NRG2: variants seen among roughly 807,000 people sequenced by gnomAD.
NRG2 encodes neuregulin 2.
NRG2 carries 27 observed loss-of-function variants against 73.9 expected under a neutral mutation model. The observed-to-expected ratio is 0.37, with a 90% confidence interval of 0.27 to 0.50. The LOEUF (loss-of-function observed/expected upper bound fraction) is 0.50, where lower values mean the gene tolerates loss of function less well. Ranked by LOEUF, NRG2 falls within the 20% of genes least tolerant of loss-of-function variation. The pLI is 0.96. For missense variants in NRG2, 1,126 were observed against 1,210.1 expected (o/e 0.93, Z 1.03); for synonymous variants, 532 against 541.0 (o/e 0.98, Z 0.23).
chr5:139,847,651 T>G lies in NRG2; in HGVS notation c.*266A>C. The stretch of plus-strand genomic sequence containing the variant: ...CAAAAAATTGGCCCATCTCTCTTTT[T>G]TTTTTGTTGTTTCTTTTTTTTTTCC... On this transcript the variant is annotated 3_prime_UTR_variant, in exon 10 of 10. Transcript: ENST00000361474. The G allele has an allele frequency of 3.3e-6, 1 of 306,568 alleles. No homozygotes were observed. The highest frequency in any genetic ancestry group is 5.9e-6 in the Non-Finnish European group (1 of 170,328). The allele number at this position is 306,568 out of a possible 1,614,324, so 19.0% of individuals were successfully genotyped here.
At chr5:139,908,821 G>A (rs1287230176) in intron 1 of NRG2, among the ~76,000 whole-genome samples, 3 of 152,232 alleles carry the variant, frequency 2.0e-5, no homozygotes, top group African/African-American at 7.2e-5. Flanking sequence ...AGAGTCACGA[G>A]GCACCCTGGG....
chr5:139,991,305 T>C (rs571979639), intron 1 of NRG2, among the ~76,000 whole-genome samples: 1 of 152,160 alleles, frequency 6.6e-6, no homozygotes, highest in African/African-American at 2.4e-5. Flanking sequence ...AATATTAATA[T>C]GGTCAAATGT....
rs1206476418 is a variant in NRG2, at chr5:139,887,962, T to G, written c.701-451A>C. On this transcript the variant is annotated intron_variant, in intron 1 of 9. Coordinates refer to ENST00000361474, the MANE Select transcript of NRG2 (RefSeq NM_004883.3). The surrounding 1 kb of genome is among the most constrained non-coding windows in gnomAD (Gnocchi z 4.5). Reference sequence around the variant, plus strand: ...GTAACAAGCCATGGGGCTGTACTGGTGGGCTCAGGCCCAATCACGGATGCA... The same window carrying G: ...GTAACAAGCCATGGGGCTGTACTGGGGGGCTCAGGCCCAATCACGGATGCA... Among the ~76,000 whole-genome samples, 2 of 152,172 alleles carry G rather than the reference T, an allele frequency of 1.3e-5. No individual in the cohort carries two copies. The highest frequency in any genetic ancestry group is 2.9e-5 in the Non-Finnish European group (2 of 68,034).
intron 1 of NRG2, among the ~76,000 whole-genome samples, chr5:139,950,774 A>G (rs1039553782): frequency 6.6e-6 from 1 of 152,214 alleles, no homozygotes; most frequent in Admixed American, 6.5e-5. Flanking sequence ...TGAGGGACCT[A>G]ACCTGAATGG....
chr5:139,982,055 G>A (rs1756843069), intron 1 of NRG2, among the ~76,000 whole-genome samples: 1 of 152,212 alleles, frequency 6.6e-6, no homozygotes, highest in African/African-American at 2.4e-5. Context: ...CATGGTTCAG[G>A]GGTTGAGGTG....
At chr5:139,990,070 G>C (rs1014869960) in intron 1 of NRG2, among the ~76,000 whole-genome samples, 1 of 151,916 alleles carries the variant, frequency 6.6e-6, no homozygotes, top group South Asian at 2.1e-4. Context: ...TTACAGGCGT[G>C]AGCCACTGTG....
intron 1 of NRG2, among the ~76,000 whole-genome samples, chr5:140,003,650 A>G (rs1758670660): frequency 6.6e-6 from 1 of 152,204 alleles, no homozygotes; most frequent in African/African-American, 2.4e-5. Flanking sequence ...GAATTGTAAG[A>G]TAATGAATCT....
intron 1 of NRG2, among the ~76,000 whole-genome samples, chr5:139,978,765 C>T (rs9765274): frequency 0.019 from 2,886 of 149,744 alleles, 96 homozygotes; most frequent in African/African-American, 0.066. Context: ...GTGGCACTAT[C>T]GCAGCCACAA....
intron 1 of NRG2, among the ~76,000 whole-genome samples, chr5:139,927,261 G>T (rs1190921085): frequency 6.6e-6 from 1 of 152,176 alleles, no homozygotes; most frequent in Non-Finnish European, 1.5e-5. Flanking sequence ...GCAAGTGGGA[G>T]TAGCAGCCTT....
At chr5:139,969,026 T>C (rs1333552816) in intron 1 of NRG2, among the ~76,000 whole-genome samples, 1 of 152,206 alleles carries the variant, frequency 6.6e-6, no homozygotes, top group African/African-American at 2.4e-5. Flanking sequence ...GTTCCGGCGC[T>C]TGCAATCAGC....
intron 1 of NRG2, among the ~76,000 whole-genome samples, chr5:139,935,372 C>G (rs1752770496): frequency 6.6e-6 from 1 of 152,062 alleles, no homozygotes; most frequent in East Asian, 1.9e-4. Flanking sequence ...CCAACTTGAC[C>G]TAATTAACAT....
chr5:140,008,142 C>T lies in NRG2; in HGVS notation c.700+34228G>A, dbSNP rs1332620732. ...ATGGGCAGCCTGACATCTACATGTC[C>T]CATTTTGCTGCAGCCACTGAGGGTA... is the stretch of plus-strand genomic sequence containing the variant. On this transcript the variant is annotated intron_variant, in intron 1 of 9. Transcript: ENST00000361474. This position sits in a 1 kb window ranked among gnomAD's most constrained non-coding sequence, Gnocchi z 4.2. Among the ~76,000 whole-genome samples, 3 of 152,186 alleles carry T rather than the reference C, an allele frequency of 2.0e-5. No homozygotes were observed. The highest frequency in any genetic ancestry group is 7.2e-5 in the African/African-American group (3 of 41,444).
At chr5:140,021,409 T>C (rs567513255) in intron 1 of NRG2, among the ~76,000 whole-genome samples, 100 of 152,338 alleles carry the variant, frequency 6.6e-4, no homozygotes, top group African/African-American at 2.3e-3. Flanking sequence ...TTTGAAGTTC[T>C]GCTTCTACTC....
intron 1 of NRG2, among the ~76,000 whole-genome samples, chr5:139,928,146 G>T (rs1453005521): frequency 6.6e-6 from 1 of 152,110 alleles, no homozygotes; most frequent in Non-Finnish European, 1.5e-5. Context: ...TTCTGACCAG[G>T]ACTCTTAGAA....
chr5:140,011,325 C>A (rs979432031), intron 1 of NRG2, among the ~76,000 whole-genome samples: 1 of 152,306 alleles, frequency 6.6e-6, no homozygotes, highest in East Asian at 1.9e-4. Context: ...AATCTTCCTT[C>A]GGGATTATGG....
chr5:139,919,365 C>G (rs1000959772), intron 1 of NRG2, among the ~76,000 whole-genome samples: 4 of 152,038 alleles, frequency 2.6e-5, no homozygotes, highest in Non-Finnish European at 5.9e-5. Context: ...CTAAATGATA[C>G]TCTAGAGAGA....
intron 1 of NRG2, among the ~76,000 whole-genome samples, chr5:140,033,782 T>C (rs1761315830): frequency 1.3e-5 from 2 of 152,242 alleles, no homozygotes; most frequent in African/African-American, 4.8e-5. Flanking sequence ...CCTGCTCACA[T>C]TGGTTAATAA....
chr5:139,952,421 C>T (rs1439030739), intron 1 of NRG2, among the ~76,000 whole-genome samples: 3 of 152,316 alleles, frequency 2.0e-5, no homozygotes, highest in South Asian at 2.1e-4. Context: ...GTGCAGAGGG[C>T]GGCCTCAGCC....
intron 5 of NRG2, among the ~76,000 whole-genome samples, chr5:139,864,263 C>T (rs995901256): frequency 2.6e-5 from 4 of 152,166 alleles, no homozygotes; most frequent in African/African-American, 9.7e-5. Flanking sequence ...TTCTGCTCCA[C>T]CTCCACCTGG....
Sources: allele counts gnomAD v4.1 joint callset (sites outside exome capture counted in the v4.1 genomes callset), GRCh38; gene constraint gnomAD v4.1.1; non-coding constraint Gnocchi (gnomAD v3.1); transcripts MANE v1.5; gene names NCBI Gene and HGNC (gene_info 2026-07-23, HGNC 2026-07-21).